GRM7: variants seen among roughly 807,000 people sequenced by gnomAD.
The protein encoded by GRM7 is metabotropic glutamate receptor 7.
GRM7 carries 35 observed loss-of-function variants against 84.5 expected under a neutral mutation model. The observed-to-expected ratio is 0.41, with a 90% CI of 0.32 to 0.55. The LOEUF (loss-of-function observed/expected upper bound fraction) is 0.55, where lower values mean the gene tolerates loss of function less well. Ranked by LOEUF, GRM7 falls within the 20% of genes least tolerant of loss-of-function variation. The pLI, the probability that GRM7 is intolerant of heterozygous loss-of-function variation, is 0.19. For missense variants in GRM7, 1,003 were observed against 1,194.6 expected (o/e 0.84, Z 2.36); for synonymous variants, 487 against 455.1 (o/e 1.07, Z -0.89).
chr3:7,235,366 C>A (rs1384086909), intron 2 of GRM7, among the ~76,000 whole-genome samples: 1 of 152,178 alleles, frequency 6.6e-6, no homozygotes, highest in Admixed American at 6.5e-5. Flanking sequence ...TGGGTGAGTA[C>A]AGAATCTTTC....
In GRM7 at chr3:7,161,005, A is replaced by G. The variant is rs186332701; in HGVS notation, c.736+14337A>G. Among the ~76,000 whole-genome samples the G allele has an allele frequency of 2.2e-3, 334 of 152,256 alleles. 2 individuals carry two copies. The highest frequency in any genetic ancestry group is 3.4e-3 in the Middle Eastern group (1 of 294). ...AACTAAATCAGTCTTTTAGGGATTT[A>G]TTGTTAACCACCATGGGAAAATTAA... is the stretch of plus-strand genomic sequence containing the variant. On this transcript the variant is annotated intron_variant, in intron 2 of 9. Transcript: ENST00000357716.
intron 9 of GRM7, among the ~76,000 whole-genome samples, chr3:7,694,681 T>C (rs1425337892): frequency 1.3e-5 from 2 of 152,172 alleles, no homozygotes; most frequent in Non-Finnish European, 2.9e-5. Context: ...ACAACGCATG[T>C]TTCCTGACTC....
intron 1 of GRM7, among the ~76,000 whole-genome samples, chr3:6,972,907 T>G (rs1693815453): frequency 1.3e-5 from 2 of 152,222 alleles, no homozygotes; most frequent in African/African-American, 4.8e-5. Flanking sequence ...TTGAGGAATC[T>G]CAGTGGCACA....
In GRM7 at chr3:6,861,925, C is replaced by T. The variant is rs150593300; in HGVS notation, c.519+18C>T. 1.9e-6 allele frequency: 3 copies of T among 1,591,310 alleles called. No homozygotes were observed. The highest frequency in any genetic ancestry group is 1.1e-5 in the South Asian group (1 of 88,338). ...TCTTCCAGGTAGGGATGCGCTCCCT[C>T]CGGGGCGGAGCACACAGTGGCTACC... On this transcript the variant is annotated intron_variant, in intron 1 of 9. Transcript: ENST00000357716. This position sits in a 1 kb window ranked among gnomAD's most constrained non-coding sequence, Gnocchi z 6.4.
chr3:7,089,107 AG>A (rs1698568854), intron 1 of GRM7, among the ~76,000 whole-genome samples: 1 of 152,166 alleles, frequency 6.6e-6, no homozygotes, highest in African/African-American at 2.4e-5. Context: ...TTTTGTTAAA[AG>A]TATCTCTTTT....
At chr3:7,671,029 A>G (rs73810880) in intron 8 of GRM7, among the ~76,000 whole-genome samples, 1,921 of 152,312 alleles carry the variant, frequency 0.013, 41 homozygotes, top group African/African-American at 0.043. Flanking sequence ...GGAATGGTCA[A>G]TAACCTTTTA....
rs144744671 is a variant in GRM7, at chr3:7,522,224, A to C, written c.1516-56198A>C. On this transcript the variant is annotated intron_variant, in intron 7 of 9. Coordinates refer to ENST00000357716, the MANE Select transcript of GRM7 (RefSeq NM_000844.4). ...TGGACCTTGCCTTTCTAAATCTGGT[A>C]ATTTGAATCTTGTGTCATTCTATAA... Among the ~76,000 whole-genome samples, 48 of 152,298 alleles carry C rather than the reference A, an allele frequency of 3.2e-4. No homozygotes were observed. In the East Asian group the frequency reaches 4.8e-3, roughly 15 times the overall value.
chr3:7,660,760 A>G (rs1422182714), intron 8 of GRM7, among the ~76,000 whole-genome samples: 1 of 150,112 alleles, frequency 6.7e-6, no homozygotes, highest in Non-Finnish European at 1.5e-5. Context: ...AGAAATCGGA[A>G]CAACAGAGTA....
chr3:7,538,494 G>C (rs569732692), intron 7 of GRM7, among the ~76,000 whole-genome samples: 127 of 152,290 alleles, frequency 8.3e-4, no homozygotes, highest in African/African-American at 2.8e-3. Flanking sequence ...AACCATACCA[G>C]GCCAGGGAAT....
At chr3:7,085,706 A>G (rs577546168) in intron 1 of GRM7, among the ~76,000 whole-genome samples, 1 of 152,260 alleles carries the variant, frequency 6.6e-6, no homozygotes, top group East Asian at 1.9e-4. Flanking sequence ...AGTTAAACAT[A>G]CTTGGAGGGC....
chr3:7,734,560 C>T (rs953388879), intron 9 of GRM7, among the ~76,000 whole-genome samples: 3 of 152,068 alleles, frequency 2.0e-5, no homozygotes, highest in African/African-American at 7.2e-5. Flanking sequence ...GAGTTTTTGC[C>T]ACTGGATTGG....
At chr3:7,476,615 G>A (rs1698932258) in intron 7 of GRM7, among the ~76,000 whole-genome samples, 2 of 152,102 alleles carry the variant, frequency 1.3e-5, no homozygotes, top group African/African-American at 4.8e-5. Flanking sequence ...ATATTTGCTA[G>A]GACTACTATT....
At chr3:7,568,689 A>C (rs1413757963) in intron 7 of GRM7, among the ~76,000 whole-genome samples, 1 of 152,028 alleles carries the variant, frequency 6.6e-6, no homozygotes, top group Non-Finnish European at 1.5e-5. Flanking sequence ...CAGCACTCAG[A>C]GCAGCGGGCC....
intron 1 of GRM7, among the ~76,000 whole-genome samples, chr3:7,027,685 C>G (rs1696029164): frequency 6.6e-6 from 1 of 152,158 alleles, no homozygotes; most frequent in South Asian, 2.1e-4. Flanking sequence ...GGTTAAAACC[C>G]TCTAAATATT....
Position 7,554,567 on chromosome 3 carries a change from G to A in GRM7, c.1516-23855G>A, listed in dbSNP as rs371788250. 3.9e-4 allele frequency among the ~76,000 whole-genome samples: 60 copies of A among 152,280 alleles called. 1 individual carries two copies. Among genetic ancestry groups the A allele is most frequent in the Middle Eastern group, 3.4e-3 (1 of 294 alleles). ...AATTAGCTAGGGTAAGTAATCCACC[G>A]CTAAATATCAGCCGCTTAGCCTAAT... On this transcript the variant is annotated intron_variant, in intron 7 of 9. Transcript: ENST00000357716.
At chr3:7,487,878 GTC>G (rs1699381490) in intron 7 of GRM7, among the ~76,000 whole-genome samples, 2 of 152,102 alleles carry the variant, frequency 1.3e-5, no homozygotes, top group African/African-American at 4.8e-5. Flanking sequence ...CGTAATGCTA[GTC>G]TGAGAAAACC....
intron 1 of GRM7, among the ~76,000 whole-genome samples, chr3:6,891,514 A>G (rs1251858024): frequency 6.6e-6 from 1 of 152,120 alleles, no homozygotes; most frequent in East Asian, 1.9e-4. Context: ...CTGGATATGA[A>G]AATCTGGGTT....
intron 1 of GRM7, among the ~76,000 whole-genome samples, chr3:7,013,379 C>A (rs1335776103): frequency 1.3e-5 from 2 of 152,108 alleles, no homozygotes; most frequent in East Asian, 3.9e-4. Context: ...TCTCACTCCT[C>A]CCCTCTGCCT....
chr3:7,264,412 T>C (rs1347416198), intron 2 of GRM7, among the ~76,000 whole-genome samples: 1 of 152,102 alleles, frequency 6.6e-6, no homozygotes, highest in Admixed American at 6.5e-5. Context: ...CTGAAGTGTC[T>C]GTGGTAGTCA....
Sources: allele counts gnomAD v4.1 joint callset (sites outside exome capture counted in the v4.1 genomes callset), GRCh38; gene constraint gnomAD v4.1.1; non-coding constraint Gnocchi (gnomAD v3.1); transcripts MANE v1.5; gene names NCBI Gene and HGNC (gene_info 2026-07-23, HGNC 2026-07-21).